PTCH1: variants seen among roughly 807,000 people sequenced by gnomAD.
The protein encoded by PTCH1 is protein patched homolog 1.
In PTCH1, 14 loss-of-function variants were observed where a neutral mutation model predicts 144.6. The ratio of observed to expected loss-of-function variants is 0.10; its 90% CI spans 0.06 to 0.15. PTCH1 has a LOEUF of 0.15. Ranked by LOEUF, PTCH1 falls within the 10% of genes least tolerant of loss-of-function variation. The probability of loss-of-function intolerance (pLI) is 1.00; values close to 1 mark genes in which losing one functional copy is unlikely to be tolerated. For missense variants in PTCH1, 1,623 were observed against 1,948.3 expected (o/e 0.83, Z 3.14); for synonymous variants, 833 against 793.6 (o/e 1.05, Z -0.83).
rs1588551373 is a variant in PTCH1, at chr9:95,461,862, G to C, written c.2697C>G (p.Ile899Met). The change falls in exon 16 of 24, where the codon ATC becomes ATG. Residue 899 changes from isoleucine to methionine, a missense_variant. Ile to Met is a conservative substitution (Grantham distance 10). Transcript: ENST00000331920. ...QTGSRDKPID[I>M]SQLTKQRLVD... The stretch of plus-strand genomic sequence containing the variant: ...TGCCCAGCAGCTGGAGTACCTGGCT[G>C]ATGTCGATGGGCTTATCGCGGCTGC... 6.2e-7 allele frequency: 1 copy of C among 1,614,226 alleles called. No individual in the cohort carries two copies. Among genetic ancestry groups the C allele is most frequent in the Non-Finnish European group, 8.5e-7 (1 of 1,180,048 alleles).
At chr9:95,494,554 C>T (rs1413739610) in intron 2 of PTCH1, among the ~76,000 whole-genome samples, 1 of 152,188 alleles carries the variant, frequency 6.6e-6, no homozygotes, top group Non-Finnish European at 1.5e-5. Context: ...CCAGGTTCTA[C>T]CACAACCTCA....
Position 95,449,930 on chromosome 9 carries a change from C to T in PTCH1, c.3460G>A (p.Ala1154Thr), listed in dbSNP as rs878853857. Residue 1154 changes from alanine (A) to threonine (T), a missense_variant, in exon 21 of 24, where the codon GCT becomes ACT. Physicochemically the swap from Ala to Thr is moderately conservative, Grantham distance 58. Transcript: ENST00000331920. This position sits in a 1 kb window ranked among gnomAD's most constrained non-coding sequence, Gnocchi z 5.3. Reference sequence around the variant, plus strand: ...AGGATGGTGAGGATCGCCAGCACAGCAAAGAAATACCTGGGAGATCAAGAG... The same window carrying T: ...AGGATGGTGAGGATCGCCAGCACAGTAAAGAAATACCTGGGAGATCAAGAG... The part of the protein sequence containing the change: ...EFDFIVRYFF[A>T]VLAILTILGV... The T allele has an allele frequency of 1.2e-6, 2 of 1,614,046 alleles. No individual in the cohort carries two copies. Among genetic ancestry groups the T allele is most frequent in the Non-Finnish European group, 8.5e-7 (1 of 1,179,950 alleles).
chr9:95,474,994 T>C (rs536637917), intron 12 of PTCH1, among the ~76,000 whole-genome samples: 3 of 152,246 alleles, frequency 2.0e-5, no homozygotes, highest in South Asian at 4.1e-4. Context: ...GGGAAACAAT[T>C]GAGGTTTTGA....
At chr9:95,487,907 C>T (rs1842094705) in intron 2 of PTCH1, among the ~76,000 whole-genome samples, 1 of 152,160 alleles carries the variant, frequency 6.6e-6, no homozygotes, top group South Asian at 2.1e-4. Context: ...ACCTAGGTGC[C>T]GTTATAGTGA....
chr9:95,477,411 A>G, intron 10 of PTCH1, 136 bp downstream of exon 10: 1 of 1,219,050 alleles, frequency 8.2e-7, no homozygotes, highest in Non-Finnish European at 1.2e-6. Flanking sequence ...CCCTGAAACC[A>G]GTAGCATCCT....
chr9:95,478,224 T>C (rs1307842089), intron 8 of PTCH1, 38 bp from the exon 9 acceptor site: 4 of 1,613,938 alleles, frequency 2.5e-6, no homozygotes, highest in Non-Finnish European at 3.4e-6. Flanking sequence ...CCAAATGCAA[T>C]GAACACTTCC....
At chr9:95,511,545 C>T (rs1187973438), upstream of PTCH1, among the ~76,000 whole-genome samples, 1 of 152,188 alleles carries the variant, frequency 6.6e-6, no homozygotes, top group African/African-American at 2.4e-5. Context: ...ATTCAAAACT[C>T]AGACCGCTTA....
chr9:95,455,443 G>A (rs764760589), intron 19 of PTCH1, among the ~76,000 whole-genome samples: 28 of 152,212 alleles, frequency 1.8e-4, no homozygotes, highest in Admixed American at 1.8e-3. Context: ...ACAGGTGAAC[G>A]CATTTACTTA....
intron 2 of PTCH1, chr9:95,494,883 T>C (rs139528153): frequency 1.3e-5 from 2 of 152,542 alleles, no homozygotes; most frequent in African/African-American, 4.8e-5. Context: ...CCCAGTTTCC[T>C]TCTCTCAGCT....
rs766037357 is a variant in PTCH1 at position 95,453,539 on chromosome 9, C to T, written c.3388G>A (p.Ala1130Thr). ...AGCACTCCCAGCAGAGTGGACACGGCGCCATCCAGGACGGGTGCAAACATG... is the reference window on the plus strand; with the variant it reads ...AGCACTCCCAGCAGAGTGGACACGGTGCCATCCAGGACGGGTGCAAACATG... ...EHMFAPVLDGAVSTLLGVLML... is the reference protein window; with the variant it reads ...EHMFAPVLDGTVSTLLGVLML... The change falls in exon 20 of 24, where the codon GCC (alanine) becomes ACC (threonine). Residue 1130 changes from alanine to threonine, a missense_variant. Ala to Thr is a moderately conservative substitution (Grantham distance 58, BLOSUM62 0). Around this residue, in one of 7 missense-constraint regions of PTCH1, gnomAD observed 504 missense variants for 679.3 expected, o/e 0.74. Transcript: ENST00000331920. 14 of 1,614,014 alleles carry T rather than the reference C, an allele frequency of 8.7e-6. No homozygotes were observed. The highest frequency in any genetic ancestry group is 5.0e-5 in the Admixed American group (3 of 60,008).
intron 2 of PTCH1, among the ~76,000 whole-genome samples, chr9:95,502,268 G>A (rs1180371263): frequency 6.6e-6 from 1 of 152,170 alleles, no homozygotes; most frequent in East Asian, 1.9e-4. Context: ...TGGCACTGCT[G>A]TCCTTCATGT....
At position 95,480,632 on chromosome 9, in the gene PTCH1, A is replaced by G. The variant is rs371612066; in HGVS notation, c.747-44T>C. The stretch of plus-strand genomic sequence containing the variant: ...GACGAGACCATGAAAAGAGCCTTCT[A>G]AACGCATCGTAAAGTAACACGGCTG... On this transcript the variant is annotated intron_variant, in intron 5 of 23. Transcript: ENST00000331920. The G allele has an allele frequency of 1.5e-5, 24 of 1,578,086 alleles. No individual in the cohort carries two copies. The African/African-American group carries it at 3.1e-4, about 20-fold the overall frequency.
Position 95,447,470 on chromosome 9 carries a change from G to A in PTCH1, c.3805-19C>T, listed in dbSNP as rs375522977. The A allele has an allele frequency of 1.4e-5, 22 of 1,537,772 alleles. No homozygotes were observed. The highest frequency in any genetic ancestry group is 3.8e-5 in the South Asian group (3 of 79,416). On this transcript the variant is annotated intron_variant, in intron 22 of 23. Coordinates refer to ENST00000331920, the MANE Select transcript of PTCH1 (RefSeq NM_000264.5). The stretch of plus-strand genomic sequence containing the variant: ...GGACCACCTGCAGAGGGTGAGGGTG[G>A]GTTAGAAGGGTGGTATCCCAGGCTG...
chr9:95,462,406 G>C (rs959559171), intron 15 of PTCH1, among the ~76,000 whole-genome samples: 3 of 152,152 alleles, frequency 2.0e-5, no homozygotes, highest in Admixed American at 6.5e-5. Context: ...ATTCCACACA[G>C]AGGGGAAAAA....
chr9:95,454,982 T>TA (rs1256746342), intron 19 of PTCH1, among the ~76,000 whole-genome samples: 2 of 152,218 alleles, frequency 1.3e-5, no homozygotes, highest in South Asian at 2.1e-4. Flanking sequence ...TAAAATAACT[T>TA]ATGGATTCTT....
intron 1 of PTCH1, chr9:95,516,392 C>G (rs1180207679): frequency 1.0e-5 from 12 of 1,175,302 alleles, no homozygotes; most frequent in Non-Finnish European, 1.3e-5. Context: ...CCCGCGTCCC[C>G]GTGTCCCCGC....
rs762637887 is a variant in PTCH1 at position 95,453,537 on chromosome 9, G to A, written c.3390C>T (p.Ala1130=). The stretch of plus-strand genomic sequence containing the variant: ...TCAGCACTCCCAGCAGAGTGGACAC[G>A]GCGCCATCCAGGACGGGTGCAAACA... The part of the protein sequence containing the change: ...EHMFAPVLDG[A]VSTLLGVLML... The change falls in exon 20 of 24, where the codon GCC becomes GCT. Residue 1130 remains alanine, a synonymous_variant. Transcript: ENST00000331920. The A allele has an allele frequency of 4.5e-5, 73 of 1,613,988 alleles. 1 individual carries two copies. The Admixed American group carries it at 4.7e-4, about 10-fold the overall frequency.
intron 3 of PTCH1, chr9:95,483,948 C>T (rs1262592576): frequency 6.6e-6 from 1 of 152,232 alleles, no homozygotes; most frequent in African/African-American, 2.4e-5. Context: ...ACCTGGCTCT[C>T]TCATTTCATA....
intron 2 of PTCH1, among the ~76,000 whole-genome samples, chr9:95,498,510 G>A (rs1252122908): frequency 2.6e-5 from 4 of 152,178 alleles, no homozygotes; most frequent in African/African-American, 7.2e-5. Flanking sequence ...CCCTCCTGGA[G>A]GGACTAAGGA....
Sources: allele counts gnomAD v4.1 joint callset (sites outside exome capture counted in the v4.1 genomes callset), GRCh38; gene constraint gnomAD v4.1.1; regional missense constraint gnomAD v4.1.1; non-coding constraint Gnocchi (gnomAD v3.1); transcripts MANE v1.5; gene names NCBI Gene and HGNC (gene_info 2026-07-23, HGNC 2026-07-21).